The following TGM2 variants were observed in gnomAD, a reference collection of about 807,000 sequenced individuals.
TGM2 encodes the protein transglutaminase 2.
TGM2 carries 53 observed loss-of-function variants against 75.6 expected under a neutral mutation model. The observed-to-expected ratio is 0.70, with a 90% CI of 0.56 to 0.88. TGM2 has a LOEUF of 0.88. TGM2 is among the 40% of genes least tolerant of loss of function. TGM2 has a pLI of 0.00. For synonymous variants in TGM2, 374 were observed against 381.1 expected (o/e 0.98, Z 0.22); for missense variants, 842 against 928.5 (o/e 0.91, Z 1.21).
chr20:38,164,434 G>A (rs1463184565), intron 1 of TGM2, among the ~76,000 whole-genome samples: 3 of 152,178 alleles, frequency 2.0e-5, no homozygotes, highest in Non-Finnish European at 2.9e-5. Flanking sequence ...CTGCTTGTGT[G>A]TGGGGAGGGA....
At chr20:38,153,407 C>G (rs1296341264) in intron 3 of TGM2, among the ~76,000 whole-genome samples, 1 of 151,904 alleles carries the variant, frequency 6.6e-6, no homozygotes, top group African/African-American at 2.4e-5. Flanking sequence ...TGCCTGTAAT[C>G]CCAGGTACTC....
chr20:38,134,255 G>A (rs1456928898), intron 10 of TGM2, among the ~76,000 whole-genome samples: 1 of 152,166 alleles, frequency 6.6e-6, no homozygotes, highest in Non-Finnish European at 1.5e-5. Flanking sequence ...CACCTCTTTG[G>A]CCTTTCATTC....
intron 4 of TGM2, among the ~76,000 whole-genome samples, chr20:38,148,445 C>T (rs2075073985): frequency 6.6e-6 from 1 of 152,188 alleles, no homozygotes; most frequent in Non-Finnish European, 1.5e-5. Flanking sequence ...CCTTTCTCCT[C>T]TTGCTCAGCC....
intron 6 of TGM2, 42 bp downstream of exon 6, chr20:38,146,675 C>T (rs2075048646): frequency 1.2e-6 from 2 of 1,611,318 alleles, no homozygotes; most frequent in South Asian, 2.2e-5. Context: ...TCTTCGTGCC[C>T]CCTCCCAGGG....
At position 38,147,457 on chromosome 20, in the gene TGM2, G is replaced by T. The variant is rs45601733; in HGVS notation, c.681+504C>A. ...GGGCCTTTGCACAGCTGTGCCCTCT[G>T]CCTGGAATGCCCTTCTCCTGGGTAC... On this transcript the variant is annotated intron_variant, in intron 5 of 12. Transcript: ENST00000361475. Among the ~76,000 whole-genome samples the T allele has an allele frequency of 4.7e-3, 723 of 152,236 alleles. 3 individuals carry two copies. Among genetic ancestry groups the T allele is most frequent in the Middle Eastern group, 0.01 (3 of 294 alleles).
At chr20:38,154,016 G>A (rs952717020) in intron 3 of TGM2, among the ~76,000 whole-genome samples, 4 of 151,998 alleles carry the variant, frequency 2.6e-5, no homozygotes, top group African/African-American at 7.3e-5. Context: ...GGTGGGTTTC[G>A]CCATGTTGGC....
intron 2 of TGM2, among the ~76,000 whole-genome samples, chr20:38,156,724 C>G (rs907665018): frequency 4.6e-5 from 7 of 152,170 alleles, no homozygotes; most frequent in African/African-American, 1.7e-4. Context: ...CTGGTCATAA[C>G]GACCCCTCAC....
chr20:38,147,915 GC>G (rs760777796), intron 5 of TGM2, 45 bp downstream of exon 5: 272 of 1,584,250 alleles, frequency 1.7e-4, no homozygotes, highest in Admixed American at 2.7e-4. Context: ...GCCTGCGGGA[GC>G]CCCCTGTAGG....
At chr20:38,142,315 A>T (rs932936363) in intron 6 of TGM2, 116 bp from the exon 7 acceptor site, 2 of 1,507,234 alleles carry the variant, frequency 1.3e-6, no homozygotes, top group African/African-American at 1.4e-5. Context: ...AAGTGCTGAG[A>T]ACATGAGCCA....
Position 38,161,613 on chromosome 20 carries a change from A to G in TGM2, c.11-14T>C. On this transcript the variant is annotated splice_polypyrimidine_tract_variant and intron_variant, in intron 1 of 12. Transcript: ENST00000361475. ...CTAAGACCAGCTCTATGGAAACAGA[A>G]GGAGACGCATGAGCCTCGGGGGCAT... is the stretch of plus-strand genomic sequence containing the variant. 2 of 1,614,112 alleles carry G rather than the reference A, an allele frequency of 1.2e-6. No individual in the cohort carries two copies. The highest frequency in any genetic ancestry group is 1.7e-6 in the Non-Finnish European group (2 of 1,180,016).
intron 6 of TGM2, chr20:38,145,610 C>G (rs1189142610): frequency 6.6e-6 from 1 of 152,054 alleles, no homozygotes; most frequent in African/African-American, 2.4e-5. Context: ...TCACAACCAT[C>G]CCAGTATAAA....
rs146118608 is a variant in TGM2 at position 38,142,170 on chromosome 20, C to T, written c.889G>A (p.Val297Ile). ...TGGGCCGAGTTGTAGTTGGTCACGACGCGGGTAGGGATGCCCAGGCACCTC... is the reference window on the plus strand; with the variant it reads ...TGGGCCGAGTTGTAGTTGGTCACGATGCGGGTAGGGATGCCCAGGCACCTC... ...VLRCLGIPTRVVTNYNSAHDQ... is the reference protein window; with the variant it reads ...VLRCLGIPTRIVTNYNSAHDQ... The change falls in exon 7 of 13, where the codon GTC becomes ATC. Residue 297 changes from valine (V) to isoleucine (I), a missense_variant. Coordinates refer to ENST00000361475, the MANE Select transcript of TGM2 (RefSeq NM_004613.4). 36 of 1,614,158 alleles carry T rather than the reference C, an allele frequency of 2.2e-5. No homozygotes were observed. Among genetic ancestry groups the T allele is most frequent in the Non-Finnish European group, 2.9e-5 (34 of 1,180,020 alleles).
chr20:38,166,171 T>A (rs2075308190), upstream of TGM2, among the ~76,000 whole-genome samples: 1 of 142,162 alleles, frequency 7.0e-6, no homozygotes, highest in Admixed American at 7.0e-5. Context: ...AAAACCCAGA[T>A]AATCCTCCGA....
At chr20:38,132,851 C>G (rs532878530) in intron 10 of TGM2, 1 of 466,366 alleles carries the variant, frequency 2.1e-6, no homozygotes, top group South Asian at 1.5e-5. Flanking sequence ...GGAGGATGAG[C>G]TGAGCGAGTG....
intron 10 of TGM2, among the ~76,000 whole-genome samples, chr20:38,136,325 G>A (rs1362270849): frequency 6.6e-6 from 1 of 152,202 alleles, no homozygotes; most frequent in Non-Finnish European, 1.5e-5. Context: ...AAGGGTCCAG[G>A]CACTGTCATA....
chr20:38,166,565 A>AC (rs2075311527), upstream of TGM2: 1 of 152,250 alleles, frequency 6.6e-6, no homozygotes, highest in Non-Finnish European at 1.5e-5. Context: ...CTTCCCTGGC[A>AC]CTTTTTCCAA....
intron 3 of TGM2, among the ~76,000 whole-genome samples, chr20:38,151,451 G>A (rs183559037): frequency 1.1e-4 from 17 of 152,280 alleles, no homozygotes; most frequent in South Asian, 4.1e-4. Context: ...GCACTGGACC[G>A]GGAGTCAGGA....
chr20:38,147,512 G>A (rs1015541451), intron 5 of TGM2, among the ~76,000 whole-genome samples: 1 of 152,082 alleles, frequency 6.6e-6, no homozygotes, highest in African/African-American at 2.4e-5. Flanking sequence ...GCCCCTCCCT[G>A]AGCCTGGCCC....
intron 7 of TGM2, 115 bp downstream of exon 7, chr20:38,141,949 T>C: frequency 7.6e-7 from 1 of 1,319,602 alleles, no homozygotes; most frequent in Non-Finnish European, 1.1e-6. Flanking sequence ...GCTCAAATAC[T>C]GCTGAACTTT....
Sources: allele counts gnomAD v4.1 joint callset (sites outside exome capture counted in the v4.1 genomes callset), GRCh38; gene constraint gnomAD v4.1.1; transcripts MANE v1.5; gene names NCBI Gene and HGNC (gene_info 2026-07-23, HGNC 2026-07-21).